Variants in TSHZ2 observed in about 807,000 individuals in gnomAD.
The protein encoded by TSHZ2 is teashirt homolog 2.
A neutral mutation model predicts 74.4 loss-of-function variants in TSHZ2; 21 were observed. The observed-to-expected ratio is 0.28, with a 90% CI of 0.20 to 0.41. The LOEUF is 0.41. Among genes scored for constraint, TSHZ2 ranks in the 10% least tolerant of loss-of-function variants. The probability of loss-of-function intolerance (pLI) is 1.00; values close to 1 mark genes in which losing one functional copy is unlikely to be tolerated. For synonymous variants in TSHZ2, 540 were observed against 515.3 expected, an observed-to-expected ratio of 1.05 and a Z score of -0.65; for missense variants, 1,244 against 1,293.5, an observed-to-expected ratio of 0.96 and a Z score of 0.59.
At chr20:53,173,568 A>G (rs1026024290) in intron 1 of TSHZ2, among the ~76,000 whole-genome samples, 6 of 152,292 alleles carry the variant, frequency 3.9e-5, no homozygotes, top group African/African-American at 1.4e-4. Context: ...ACGTAGCGCC[A>G]CTGCACTCCA....
intron 1 of TSHZ2, among the ~76,000 whole-genome samples, chr20:53,091,985 G>T (rs764377393): frequency 2.6e-5 from 4 of 152,170 alleles, no homozygotes; most frequent in Non-Finnish European, 5.9e-5. Flanking sequence ...GTTCAAGGTT[G>T]CAGTGAGCCA....
At chr20:53,143,695 A>AAAAT (rs1000130000) in intron 1 of TSHZ2, among the ~76,000 whole-genome samples, 12 of 152,102 alleles carry the variant, frequency 7.9e-5, no homozygotes, top group South Asian at 2.1e-4. Context: ...CCGTCTCAAA[A>AAAAT]AAATAAATAA....
intron 1 of TSHZ2, among the ~76,000 whole-genome samples, chr20:53,193,778 C>G (rs1988796849): frequency 6.6e-6 from 1 of 152,166 alleles, no homozygotes; most frequent in African/African-American, 2.4e-5. Context: ...GAAAGCAGGT[C>G]TCTTCTTGAG....
intron 1 of TSHZ2, among the ~76,000 whole-genome samples, chr20:53,226,448 G>GTGTGTGTGTGTGTGTGTGTGTGTGTGTA (rs1989690809): frequency 6.6e-6 from 1 of 152,128 alleles, no homozygotes. Context: ...GTGTGTGTGT[G>GTGTGTGTGTGTGTGTGTGTGTGTGTGTA]TGTGTATGTG....
chr20:53,342,144 G>A (rs1474421208), intron 2 of TSHZ2, among the ~76,000 whole-genome samples: 1 of 152,082 alleles, frequency 6.6e-6, no homozygotes, highest in Non-Finnish European at 1.5e-5. Flanking sequence ...AACCAGCACG[G>A]ATACGTTATT....
chr20:53,253,320 A>AC (rs1990370184), intron 1 of TSHZ2, among the ~76,000 whole-genome samples, 179 bp from the exon 2 acceptor site: 1 of 145,732 alleles, frequency 6.9e-6, no homozygotes, highest in Non-Finnish European at 1.5e-5. Flanking sequence ...AAAAAAAAAA[A>AC]CACTAGATGG....
intron 2 of TSHZ2, among the ~76,000 whole-genome samples, chr20:53,465,521 T>C (rs926108584): frequency 1.3e-5 from 2 of 152,140 alleles, no homozygotes; most frequent in Admixed American, 6.6e-5. Flanking sequence ...GCCACCTGCC[T>C]CGGCCTTCCA....
intron 2 of TSHZ2, among the ~76,000 whole-genome samples, chr20:53,447,726 G>C (rs1239651167): frequency 3.9e-5 from 6 of 152,030 alleles, no homozygotes; most frequent in African/African-American, 1.5e-4. Context: ...TCCCACTTTG[G>C]GTTTATCTGA....
At chr20:53,286,205 C>T (rs1568852265) in intron 2 of TSHZ2, among the ~76,000 whole-genome samples, 1 of 152,280 alleles carries the variant, frequency 6.6e-6, no homozygotes, top group South Asian at 2.1e-4. Flanking sequence ...GTGTTTGTTC[C>T]TAAGCGGAGT....
intron 1 of TSHZ2, among the ~76,000 whole-genome samples, chr20:53,138,731 C>G (rs1313619227): frequency 2.6e-5 from 4 of 152,202 alleles, no homozygotes; most frequent in African/African-American, 9.6e-5. Flanking sequence ...TTCACCAGGC[C>G]TCTGAGCTGC....
intron 2 of TSHZ2, among the ~76,000 whole-genome samples, chr20:53,374,531 A>G (rs1981591388): frequency 6.6e-6 from 1 of 152,192 alleles, no homozygotes; most frequent in African/African-American, 2.4e-5. Context: ...TGGGTTGAAT[A>G]ATAATTTCAT....
chr20:53,200,928 G>A (rs1445838073), intron 1 of TSHZ2, among the ~76,000 whole-genome samples: 1 of 152,110 alleles, frequency 6.6e-6, no homozygotes, highest in Non-Finnish European at 1.5e-5. Flanking sequence ...ATTGTCCTGG[G>A]TTGACAAATA....
chr20:53,405,872 C>T (rs1211953941), intron 2 of TSHZ2, among the ~76,000 whole-genome samples: 1 of 152,044 alleles, frequency 6.6e-6, no homozygotes, highest in Non-Finnish European at 1.5e-5. Context: ...TGGTGTGTGC[C>T]TGTGGTCCCA....
intron 2 of TSHZ2, among the ~76,000 whole-genome samples, chr20:53,465,269 T>G (rs1232011957): frequency 1.3e-5 from 2 of 150,564 alleles, no homozygotes; most frequent in Admixed American, 1.3e-4. Context: ...GTTATTACTT[T>G]TGTGTGTGTG....
chr20:53,474,821 A>T (rs1377195457), intron 2 of TSHZ2, among the ~76,000 whole-genome samples: 2 of 141,516 alleles, frequency 1.4e-5, no homozygotes, highest in Non-Finnish European at 3.0e-5. Context: ...AGATCTACCA[A>T]GCAAATGGAA....
chr20:53,029,237 A>G (rs1467362932), intron 1 of TSHZ2, among the ~76,000 whole-genome samples: 2 of 152,232 alleles, frequency 1.3e-5, no homozygotes, highest in African/African-American at 4.8e-5. Flanking sequence ...TAGCTTTACC[A>G]CATGGGTTTA....
At chr20:53,082,392 T>A (rs1174209678) in intron 1 of TSHZ2, among the ~76,000 whole-genome samples, 1 of 152,214 alleles carries the variant, frequency 6.6e-6, no homozygotes, top group East Asian at 1.9e-4. Flanking sequence ...TTGGAGCCTC[T>A]TATCTTTCTC....
At chr20:53,367,579 TC>T (rs1270647035) in intron 2 of TSHZ2, among the ~76,000 whole-genome samples, 1 of 151,860 alleles carries the variant, frequency 6.6e-6, no homozygotes, top group Non-Finnish European at 1.5e-5. Context: ...ATTTTCTTAT[TC>T]TTTTTTTTCT....
At chr20:53,334,904 G>C (rs1171443289) in intron 2 of TSHZ2, among the ~76,000 whole-genome samples, 1 of 152,036 alleles carries the variant, frequency 6.6e-6, no homozygotes, top group African/African-American at 2.4e-5. Context: ...GGCTGGTCTC[G>C]AACTCCTGAC....
Sources: allele counts gnomAD v4.1 joint callset (sites outside exome capture counted in the v4.1 genomes callset), GRCh38; gene constraint gnomAD v4.1.1; transcripts MANE v1.5; gene names NCBI Gene and HGNC (gene_info 2026-07-23, HGNC 2026-07-21).